Variants in FOXJ3 observed in about 807,000 individuals in gnomAD.
FOXJ3 encodes the protein forkhead box J3, also known as forkhead box protein J3.
Under a neutral mutation model 76.1 loss-of-function variants are expected in FOXJ3, and 22 were observed. The observed-to-expected ratio is 0.29, with a 90% confidence interval of 0.21 to 0.41. FOXJ3 has a LOEUF of 0.41. Among genes scored for constraint, FOXJ3 ranks in the 10% least tolerant of loss-of-function variants. FOXJ3 has a pLI of 1.00. For synonymous variants in FOXJ3, 269 were observed against 261.2 expected (o/e 1.03, Z -0.29); for missense variants, 613 against 762.1 (o/e 0.80, Z 2.30).
At chr1:42,259,401 T>C (rs931334862) in intron 4 of FOXJ3, among the ~76,000 whole-genome samples, 6 of 152,218 alleles carry the variant, frequency 3.9e-5, no homozygotes, top group Admixed American at 3.9e-4. Flanking sequence ...GGTATAATGT[T>C]ATTTTTTTAA....
intron 4 of FOXJ3, among the ~76,000 whole-genome samples, chr1:42,243,584 A>G (rs529306229): frequency 6.6e-6 from 1 of 152,342 alleles, no homozygotes; most frequent in East Asian, 1.9e-4. Context: ...GGAGAAAGAT[A>G]TTCCACACAA....
chr1:42,304,468 A>G (rs558632691), intron 2 of FOXJ3, among the ~76,000 whole-genome samples: 35 of 152,310 alleles, frequency 2.3e-4, no homozygotes, highest in African/African-American at 8.4e-4. Flanking sequence ...AAAAAGAACA[A>G]AACTGGGGGA....
intron 12 of FOXJ3, 143 bp downstream of exon 12, chr1:42,181,774 C>T: frequency 1.8e-6 from 1 of 554,106 alleles, no homozygotes; most frequent in Non-Finnish European, 3.2e-6. Flanking sequence ...AACTGACACA[C>T]ACACATGCTT....
At chr1:42,307,734 C>T (rs1654552434) in intron 2 of FOXJ3, among the ~76,000 whole-genome samples, 1 of 152,174 alleles carries the variant, frequency 6.6e-6, no homozygotes, top group Non-Finnish European at 1.5e-5. Flanking sequence ...TCACTACAAA[C>T]TACTTTGCAG....
At chr1:42,278,801 G>A (rs1308989146) in intron 2 of FOXJ3, 129 bp from the exon 3 acceptor site, 4 of 659,750 alleles carry the variant, frequency 6.1e-6, no homozygotes, top group Non-Finnish European at 1.0e-5. Flanking sequence ...GAAAAAGATT[G>A]AGTATGTTAA....
chr1:42,194,194 A>G (rs1360798117), intron 8 of FOXJ3, among the ~76,000 whole-genome samples: 1 of 152,252 alleles, frequency 6.6e-6, no homozygotes, highest in African/African-American at 2.4e-5. Context: ...GAAATGCTTC[A>G]ACAGTAGAGT....
At chr1:42,319,820 G>GT (rs1418598808) in intron 1 of FOXJ3, among the ~76,000 whole-genome samples, 2 of 152,130 alleles carry the variant, frequency 1.3e-5, no homozygotes, top group East Asian at 1.9e-4. Context: ...GTGAGTAAAA[G>GT]TAACTATCTC....
intron 3 of FOXJ3, among the ~76,000 whole-genome samples, chr1:42,265,760 C>T (rs1651417673): frequency 6.6e-6 from 1 of 151,922 alleles, no homozygotes; most frequent in African/African-American, 2.4e-5. Context: ...CATATAGAAC[C>T]CTATTAGGTT....
intron 4 of FOXJ3, among the ~76,000 whole-genome samples, chr1:42,230,443 A>T (rs1263391664): frequency 6.6e-6 from 1 of 152,230 alleles, no homozygotes; most frequent in Non-Finnish European, 1.5e-5. Flanking sequence ...ACCTGCATAT[A>T]CCTAATGAGA....
chr1:42,297,447 C>T (rs1653860024), intron 2 of FOXJ3, among the ~76,000 whole-genome samples: 1 of 152,032 alleles, frequency 6.6e-6, no homozygotes, highest in Non-Finnish European at 1.5e-5. Flanking sequence ...ACCTCCAGTG[C>T]CTAGTTTATT....
At chr1:42,287,991 C>A (rs1653169030) in intron 2 of FOXJ3, among the ~76,000 whole-genome samples, 3 of 151,980 alleles carry the variant, frequency 2.0e-5, no homozygotes, top group African/African-American at 7.2e-5. Flanking sequence ...AAATAGAACT[C>A]CACTTAGAAT....
At chr1:42,276,687 A>C (rs1652289224) in intron 3 of FOXJ3, among the ~76,000 whole-genome samples, 1 of 152,226 alleles carries the variant, frequency 6.6e-6, no homozygotes, top group Non-Finnish European at 1.5e-5. Flanking sequence ...GCATCCCCCC[A>C]AAACATATTA....
intron 4 of FOXJ3, among the ~76,000 whole-genome samples, chr1:42,254,974 A>T (rs545476027): frequency 1.9e-3 from 289 of 152,168 alleles, no homozygotes; most frequent in Middle Eastern, 3.4e-3. Context: ...TAATAATTTT[A>T]AAAAAAGAAA....
chr1:42,243,553 G>A (rs1050875105), intron 4 of FOXJ3, among the ~76,000 whole-genome samples: 22 of 152,082 alleles, frequency 1.4e-4, no homozygotes, highest in Admixed American at 9.8e-4. Flanking sequence ...GTAAGGAAAC[G>A]TAGACTGAAA....
At position 42,306,514 on chromosome 1, in the gene FOXJ3, G is replaced by A. The variant is rs931672814; in HGVS notation, c.44+4536C>T. On this transcript the variant is annotated intron_variant, in intron 2 of 12. Transcript: ENST00000361346. ...AGACGGGGTTTCACCACATTGGCCAGGCTGGTCTCGAACTCCTGACCTCGT... is the reference window on the plus strand; with the variant it reads ...AGACGGGGTTTCACCACATTGGCCAAGCTGGTCTCGAACTCCTGACCTCGT... Among the ~76,000 whole-genome samples the A allele has an allele frequency of 4.2e-4, 64 of 151,916 alleles. 1 individual carries two copies. The highest frequency in any genetic ancestry group is 1.8e-4 in the Non-Finnish European group (12 of 67,976).
intron 3 of FOXJ3, among the ~76,000 whole-genome samples, chr1:42,269,294 G>A (rs569961524): frequency 6.6e-6 from 1 of 152,266 alleles, no homozygotes; most frequent in Admixed American, 6.5e-5. Context: ...CAGCTTAAAA[G>A]TTCAAGATGA....
intron 3 of FOXJ3, among the ~76,000 whole-genome samples, chr1:42,267,028 A>G (rs1345916696): frequency 5.3e-5 from 8 of 152,060 alleles, no homozygotes; most frequent in Non-Finnish European, 1.2e-4. Flanking sequence ...TCCTATACAG[A>G]TACCATGTAG....
chr1:42,235,645 C>T (rs1048305330), intron 4 of FOXJ3, among the ~76,000 whole-genome samples: 1 of 152,088 alleles, frequency 6.6e-6, no homozygotes, highest in African/African-American at 2.4e-5. Flanking sequence ...TCACTGCAAC[C>T]TCTGCCTCCT....
At chr1:42,263,284 G>A (rs12144689) in intron 4 of FOXJ3, among the ~76,000 whole-genome samples, 5 of 151,986 alleles carry the variant, frequency 3.3e-5, no homozygotes, top group African/African-American at 7.2e-5. Context: ...GCATTCATGT[G>A]TACTGATTTT....
Sources: gnomAD v4.1 joint callset for allele counts (sites outside exome capture counted in the v4.1 genomes callset) on GRCh38, gnomAD v4.1.1 for gene constraint, MANE v1.5 for transcripts, NCBI Gene and HGNC (gene_info 2026-07-23, HGNC 2026-07-21) for gene names.